VGLL2: variants seen among roughly 807,000 people sequenced by gnomAD.
The protein encoded by VGLL2 is vestigial like family member 2, also known as transcription cofactor vestigial-like protein 2.
In VGLL2, 18 loss-of-function variants were observed where a neutral mutation model predicts 27.0. The observed-to-expected ratio is 0.67, with a 90% CI of 0.46 to 0.99. The LOEUF (loss-of-function observed/expected upper bound fraction) is 0.99, where lower values mean the gene tolerates loss of function less well. VGLL2 is among the 50% of genes least tolerant of loss of function. VGLL2 has a pLI of 0.00. For synonymous variants in VGLL2, 220 were observed against 201.1 expected (o/e 1.09, Z -0.80); for missense variants, 491 against 452.3 (o/e 1.09, Z -0.78).
chr6:117,268,100 G>C lies in VGLL2; in HGVS notation c.82-82G>C. 4 of 1,390,964 alleles carry C rather than the reference G, an allele frequency of 2.9e-6. No individual in the cohort carries two copies. The South Asian group carries it at 5.2e-5, about 18-fold the overall frequency. 86.2% of individuals were successfully genotyped at this position (1,390,964 alleles called of 1,614,324 possible). A position where few individuals can be genotyped will look rare whatever the true frequency, so the allele number is the denominator to read the frequency against. ...CCAGTTTCCCCATAAATACCTTAGA[G>C]ATTAGGATGAGGGAATCAGTCTGAA... On this transcript the variant is annotated intron_variant, in intron 1 of 3. Coordinates refer to ENST00000326274, the MANE Select transcript of VGLL2 (RefSeq NM_182645.3).
intron 1 of VGLL2, 59 bp from the exon 2 acceptor site, chr6:117,268,123 G>A: frequency 6.4e-7 from 1 of 1,554,006 alleles, no homozygotes; most frequent in South Asian, 1.2e-5. Context: ...GAATCAGTCT[G>A]AACCGAATTT....
At chr6:117,266,247 C>G (rs1416656521) in intron 1 of VGLL2, among the ~76,000 whole-genome samples, 1 of 152,170 alleles carries the variant, frequency 6.6e-6, no homozygotes, top group Non-Finnish European at 1.5e-5. Context: ...ACAACAAAAC[C>G]AAAAGCGAAG....
At chr6:117,272,353 AC>A (rs1773220969) in intron 3 of VGLL2, 100 bp from the exon 4 acceptor site, 1 of 1,606,716 alleles carries the variant, frequency 6.2e-7, no homozygotes, top group East Asian at 2.2e-5. Flanking sequence ...CTGGTTTTAG[AC>A]CGCCCACCTT....
In VGLL2 at chr6:117,265,682, A is replaced by G. The variant is rs1388793930; in HGVS notation, c.-82A>G. 1 of 1,264,964 alleles carries G rather than the reference A, an allele frequency of 7.9e-7. No homozygotes were observed. Among genetic ancestry groups the G allele is most frequent in the East Asian group, 2.4e-5 (1 of 42,180 alleles). The allele number at this position is 1,264,964 out of a possible 1,614,324, so 78.4% of individuals were successfully genotyped here. Reference sequence around the variant, plus strand: ...CTGATGACTCCAGAGCGCGGGTCCAAGCGCCGCCCATGCAGCACCCCTGAG... The same window carrying G: ...CTGATGACTCCAGAGCGCGGGTCCAGGCGCCGCCCATGCAGCACCCCTGAG... On this transcript the variant is annotated 5_prime_UTR_variant, in exon 1 of 4. Transcript: ENST00000326274.
At chr6:117,269,154 C>G (rs1412494600) in intron 2 of VGLL2, among the ~76,000 whole-genome samples, 1 of 152,182 alleles carries the variant, frequency 6.6e-6, no homozygotes, top group Non-Finnish European at 1.5e-5. Context: ...AGAGTTTTCC[C>G]AAAACACATC....
rs1213617539 is a variant in VGLL2, at chr6:117,271,030, C to T, written c.879C>T (p.Asp293=). 4 of 1,232,022 alleles carry T rather than the reference C, an allele frequency of 3.2e-6. No individual in the cohort carries two copies. The highest frequency in any genetic ancestry group is 6.3e-5 in the East Asian group (2 of 31,504). The allele number at this position is 1,232,022 out of a possible 1,614,324, so 76.3% of individuals were successfully genotyped here. The change falls in exon 3 of 4, where the codon GAC becomes GAT. Residue 293 remains aspartate, a synonymous_variant. Transcript: ENST00000326274. ...GACCCTTCGCGAGCCCCTCGGGGGACGTGGCCCAGGGTCTGGGCCTCAGCG... is the reference window on the plus strand; with the variant it reads ...GACCCTTCGCGAGCCCCTCGGGGGATGTGGCCCAGGGTCTGGGCCTCAGCG... The part of the protein sequence containing the change: ...PGGPFASPSG[D]VAQGLGLSVD...
Position 117,265,831 on chromosome 6 carries a change from C to T in VGLL2, c.68C>T (p.Thr23Ile). 6.2e-6 allele frequency: 10 copies of T among 1,614,036 alleles called. No homozygotes were observed. Among genetic ancestry groups the T allele is most frequent in the Non-Finnish European group, 8.5e-6 (10 of 1,179,868 alleles). The change falls in exon 1 of 4, where the codon ACC becomes ATC. Residue 23 changes from threonine (T) to isoleucine (I), a missense_variant. By Grantham distance (89) the Thr-to-Ile change is moderately conservative (BLOSUM62 -1). Coordinates refer to ENST00000326274, the MANE Select transcript of VGLL2 (RefSeq NM_182645.3). Reference protein sequence around the residue: ...PPQPYFAAAYTPYHQKLAYYS... With the variant: ...PPQPYFAAAYIPYHQKLAYYS... ...CAGCCCTACTTCGCAGCCGCCTACA[C>T]CCCCTACCACCAGGTACGTGTCTCC...
Position 117,267,222 on chromosome 6 carries a change from G to A in VGLL2, c.82-960G>A, listed in dbSNP as rs117418361. On this transcript the variant is annotated intron_variant, in intron 1 of 3. Transcript: ENST00000326274. Reference sequence around the variant, plus strand: ...TGTTCATTTTTGTATGACTCGGGCCGCCTCTTCAAGGCCATCTCTGCCTGC... The same window carrying A: ...TGTTCATTTTTGTATGACTCGGGCCACCTCTTCAAGGCCATCTCTGCCTGC... Among the ~76,000 whole-genome samples, 291 of 152,198 alleles carry A rather than the reference G, an allele frequency of 1.9e-3. No homozygotes were observed. In the Middle Eastern group the frequency reaches 0.037, roughly 20 times the overall value.
chr6:117,267,689 G>C (rs796780905), intron 1 of VGLL2, among the ~76,000 whole-genome samples: 5 of 152,320 alleles, frequency 3.3e-5, no homozygotes, highest in African/African-American at 7.2e-5. Context: ...ATTTTGTAGG[G>C]GTAGGGGGTT....
chr6:117,272,387 G>T (rs1268047346), intron 3 of VGLL2, 67 bp from the exon 4 acceptor site: 1 of 1,613,842 alleles, frequency 6.2e-7, no homozygotes, highest in East Asian at 2.2e-5. Context: ...TCTCTGCATA[G>T]TGCAATTGAT....
chr6:117,270,461 G>A, intron 2 of VGLL2, 82 bp from the exon 3 acceptor site: 1 of 1,448,100 alleles, frequency 6.9e-7, no homozygotes, highest in Non-Finnish European at 9.1e-7. Flanking sequence ...CGGGCGGGAC[G>A]TGCAGGTCGG....
chr6:117,270,912 T>A lies in VGLL2; in HGVS notation c.761T>A (p.Leu254His). The A allele has an allele frequency of 8.0e-7, 1 of 1,255,030 alleles. No homozygotes were observed. Among genetic ancestry groups the A allele is most frequent in the East Asian group, 3.4e-5 (1 of 29,716 alleles). The allele number at this position is 1,255,030 out of a possible 1,614,324, so 77.7% of individuals were successfully genotyped here. Residue 254 changes from leucine to histidine, a missense_variant, in exon 3 of 4, where the codon CTC becomes CAC. Physicochemically the swap from Leu to His is moderately conservative, Grantham distance 99. Coordinates refer to ENST00000326274, the MANE Select transcript of VGLL2 (RefSeq NM_182645.3). Reference protein sequence around the residue: ...MPAASGRPARLATAPAPAPGS... With the variant: ...MPAASGRPARHATAPAPAPGS... Reference sequence around the variant, plus strand: ...GCCGCCTCGGGGCGCCCGGCCCGCCTCGCAACCGCCCCGGCGCCCGCGCCC... The same window carrying A: ...GCCGCCTCGGGGCGCCCGGCCCGCCACGCAACCGCCCCGGCGCCCGCGCCC...
In VGLL2 at chr6:117,270,909, G is replaced by T; in HGVS notation, c.758G>T (p.Arg253Leu). Residue 253 changes from arginine to leucine, a missense_variant, in exon 3 of 4, where the codon CGC becomes CTC. Transcript: ENST00000326274. The part of the protein sequence containing the change: ...LMPAASGRPA[R>L]LATAPAPAPG... ...CCAGCCGCCTCGGGGCGCCCGGCCC[G>T]CCTCGCAACCGCCCCGGCGCCCGCG... The T allele has an allele frequency of 8.0e-7, 1 of 1,257,862 alleles. No individual in the cohort carries two copies. The highest frequency in any genetic ancestry group is 9.9e-7 in the Non-Finnish European group (1 of 1,006,674). The allele number at this position is 1,257,862 out of a possible 1,614,324, so 77.9% of individuals were successfully genotyped here.
At chr6:117,268,113 G>C in intron 1 of VGLL2, 69 bp from the exon 2 acceptor site, 2 of 1,468,542 alleles carry the variant, frequency 1.4e-6, no homozygotes, top group East Asian at 2.3e-5. Context: ...TAGGATGAGG[G>C]AATCAGTCTG....
intron 2 of VGLL2, among the ~76,000 whole-genome samples, chr6:117,269,863 C>A (rs1478395238): frequency 6.6e-6 from 1 of 152,140 alleles, no homozygotes; most frequent in Non-Finnish European, 1.5e-5. Flanking sequence ...TCGTGTCCTT[C>A]TGTGCAAATA....
intron 2 of VGLL2, among the ~76,000 whole-genome samples, chr6:117,270,095 CAAGAGTGGGAA>C (rs1673693537): frequency 6.6e-6 from 1 of 151,998 alleles, no homozygotes; most frequent in Non-Finnish European, 1.5e-5. Context: ...GGCGGCCGAC[CAAGAGTGGGAA>C]GAGGTATCGT....
Position 117,272,630 on chromosome 6 carries a change from A to G in VGLL2, c.*136A>G. 1 of 1,214,500 alleles carries G rather than the reference A, an allele frequency of 8.2e-7. No homozygotes were observed. The highest frequency in any genetic ancestry group is 1.2e-6 in the Non-Finnish European group (1 of 863,652). The allele number at this position is 1,214,500 out of a possible 1,614,324, so 75.2% of individuals were successfully genotyped here. A position where few individuals can be genotyped will look rare whatever the true frequency, so the allele number is the denominator to read the frequency against. ...GACTTCTCAGTGTGTTGGGAAAACC[A>G]AAAACCACAACTACAGAAATTCATC... is the stretch of plus-strand genomic sequence containing the variant. On this transcript the variant is annotated 3_prime_UTR_variant, in exon 4 of 4. Transcript: ENST00000326274.
In VGLL2 at chr6:117,272,501, G is replaced by A. The variant is rs1463245923; in HGVS notation, c.*7G>A. 13 of 1,614,112 alleles carry A rather than the reference G, an allele frequency of 8.1e-6. No homozygotes were observed. Among genetic ancestry groups the A allele is most frequent in the Non-Finnish European group, 1.0e-5 (12 of 1,180,024 alleles). On this transcript the variant is annotated 3_prime_UTR_variant, in exon 4 of 4. Coordinates refer to ENST00000326274, the MANE Select transcript of VGLL2 (RefSeq NM_182645.3). ...TGCATCCCTCCTGAGCTGATCTGCTGACCCAGGGTTTCCCCTTCCCCTTCC... is the reference window on the plus strand; with the variant it reads ...TGCATCCCTCCTGAGCTGATCTGCTAACCCAGGGTTTCCCCTTCCCCTTCC...
In VGLL2 at chr6:117,270,778, C is replaced by A. The variant is rs568524903; in HGVS notation, c.627C>A (p.Ala209=). Residue 209 remains alanine (A), a synonymous_variant, in exon 3 of 4, where the codon GCC becomes GCA. Transcript: ENST00000326274. ...ACGCGCACCCGCATCACCCCTACGC[C>A]CTGGGCGGCGCCCTCGGCGCCCAGG... ...PHHAHPHHPY[A]LGGALGAQAA... is the part of the protein sequence containing the mutation. 1.3e-4 allele frequency: 189 copies of A among 1,459,054 alleles called. No individual in the cohort carries two copies. The African/African-American group carries it at 2.6e-3, about 20-fold the overall frequency. The allele number at this position is 1,459,054 out of a possible 1,614,324, so 90.4% of individuals were successfully genotyped here.
Sources: gnomAD v4.1 joint callset for allele counts (sites outside exome capture counted in the v4.1 genomes callset) on GRCh38, gnomAD v4.1.1 for gene constraint, MANE v1.5 for transcripts, NCBI Gene and HGNC (gene_info 2026-07-23, HGNC 2026-07-21) for gene names.